The following FRMD6 variants were observed in gnomAD, a reference collection of about 807,000 sequenced individuals.
FRMD6 encodes FERM domain-containing protein 6.
A neutral mutation model predicts 73.2 loss-of-function variants in FRMD6; 37 were observed. The observed-to-expected ratio is 0.51, with a 90% CI of 0.39 to 0.66. The LOEUF is 0.66. Among genes scored for constraint, FRMD6 ranks in the 30% least tolerant of loss-of-function variants. The pLI, the probability that FRMD6 is intolerant of heterozygous loss-of-function variation, is 0.00. For synonymous variants in FRMD6, 273 were observed against 282.2 expected (o/e 0.97, Z 0.33); for missense variants, 714 against 780.5 (o/e 0.91, Z 1.02).
chr14:51,577,890 A>G (rs1244473954), intron 2 of FRMD6, among the ~76,000 whole-genome samples: 1 of 152,184 alleles, frequency 6.6e-6, no homozygotes, highest in African/African-American at 2.4e-5. Flanking sequence ...TCTTAACTAC[A>G]TAACTTGGCT....
intron 6 of FRMD6, 40 bp downstream of exon 6, chr14:51,704,975 G>A (rs760480384): frequency 8.3e-6 from 13 of 1,558,334 alleles, no homozygotes; most frequent in Middle Eastern, 1.8e-4. Context: ...GTTTTCTCTC[G>A]GGCATTTCTA....
intron 1 of FRMD6, among the ~76,000 whole-genome samples, chr14:51,555,717 G>A (rs879706689): frequency 4.6e-5 from 7 of 151,494 alleles, no homozygotes; most frequent in Admixed American, 3.3e-4. Context: ...CAGGAGAATC[G>A]CTTGAACTTG....
the FRMD6 span, among the ~76,000 whole-genome samples, chr14:51,414,779 A>C: frequency 2.6e-5 from 4 of 152,110 alleles, no homozygotes; most frequent in Non-Finnish European, 1.5e-5. Context: ...GATTCTTCCT[A>C]TCCATGAGCA....
chr14:51,700,893 A>G (rs1326523906), intron 3 of FRMD6, among the ~76,000 whole-genome samples, 163 bp from the exon 4 acceptor site: 1 of 152,000 alleles, frequency 6.6e-6, no homozygotes, highest in Non-Finnish European at 1.5e-5. Context: ...TGTCTAGTTC[A>G]CAGAACCTTT....
At chr14:51,602,842 T>C (rs1890092466) in intron 2 of FRMD6, among the ~76,000 whole-genome samples, 1 of 152,236 alleles carries the variant, frequency 6.6e-6, no homozygotes, top group Non-Finnish European at 1.5e-5. Context: ...TTTATCCCAA[T>C]ATTATTAACA....
At chr14:51,627,763 C>T (rs569544413) in intron 2 of FRMD6, among the ~76,000 whole-genome samples, 5 of 152,328 alleles carry the variant, frequency 3.3e-5, no homozygotes, top group African/African-American at 9.6e-5. Context: ...CTGCTCCATG[C>T]CTTACCCAAT....
intron 1 of FRMD6, among the ~76,000 whole-genome samples, chr14:51,564,056 T>C (rs1260831261): frequency 6.6e-6 from 1 of 152,240 alleles, no homozygotes; most frequent in East Asian, 1.9e-4. Context: ...ATTTCATTTA[T>C]TACAGCTCTG....
chr14:51,606,149 C>G lies in FRMD6; in HGVS notation c.-147+35739C>G, dbSNP rs150936555. Reference sequence around the variant, plus strand: ...GGGGTGGGTGTAGTCAAGAATGTGACATCAAGTCTTCAAGCACTTGGTAGC... The same window carrying G: ...GGGGTGGGTGTAGTCAAGAATGTGAGATCAAGTCTTCAAGCACTTGGTAGC... On this transcript the variant is annotated intron_variant, in intron 2 of 14. Transcript: ENST00000356218. Among the ~76,000 whole-genome samples, 972 of 152,260 alleles carry G rather than the reference C, an allele frequency of 6.4e-3. 9 individuals are homozygous for G. The highest frequency in any genetic ancestry group is 0.022 in the African/African-American group (918 of 41,528).
the FRMD6 span, among the ~76,000 whole-genome samples, chr14:51,401,875 G>C: frequency 1.3e-5 from 2 of 152,184 alleles, no homozygotes; most frequent in African/African-American, 4.8e-5. Context: ...GGCACATGAG[G>C]ATTGAGAATA....
chr14:51,720,361 A>G lies in FRMD6; in HGVS notation c.1331A>G (p.Asp444Gly), dbSNP rs548787551. 55 of 1,613,470 alleles carry G rather than the reference A, an allele frequency of 3.4e-5. 1 individual carries two copies. Among genetic ancestry groups the G allele is most frequent in the Middle Eastern group, 3.3e-4 (2 of 6,084 alleles). ...TCAGGGGTGGAGAGTGGCGGCAAAG[A>G]CCGGCTGGAAGAGGACTTACAGGAC... ...HTSGVESGGK[D>G]RLEEDLQDDE... Residue 444 changes from aspartate to glycine, a missense_variant, in exon 11 of 14, where the codon GAC becomes GGC. Asp to Gly is a moderately conservative substitution (Grantham distance 94). Coordinates refer to ENST00000344768, the MANE Select transcript of FRMD6 (RefSeq NM_001267046.2).
At chr14:51,708,625 G>C (rs1594766980) in intron 7 of FRMD6, among the ~76,000 whole-genome samples, 3 of 151,932 alleles carry the variant, frequency 2.0e-5, no homozygotes. Context: ...CTATACCTGC[G>C]TTGTATCCGT....
chr14:51,625,462 TTTTG>T (rs145716811), intron 2 of FRMD6, among the ~76,000 whole-genome samples: 34,966 of 123,094 alleles, frequency 0.28, 4,359 homozygotes, highest in Admixed American at 0.34. Context: ...TATCTTTTTT[TTTTG>T]TTGTTGTTGT....
intron 1 of FRMD6, among the ~76,000 whole-genome samples, chr14:51,686,305 A>G (rs1895147713): frequency 1.3e-5 from 2 of 152,252 alleles, no homozygotes; most frequent in South Asian, 4.1e-4. Flanking sequence ...CAACTAACAA[A>G]TCAGTATTGA....
In FRMD6 at chr14:51,641,922, C is replaced by A. The variant is rs191755143; in HGVS notation, c.-146-47769C>A. On this transcript the variant is annotated intron_variant, in intron 2 of 14. Coordinates refer to the FRMD6 transcript ENST00000356218. ...ACATTGCCAAATGTTCTCGTAGGGGCAAAATCACCCCCTATCCAAGGACCA... is the reference window on the plus strand; with the variant it reads ...ACATTGCCAAATGTTCTCGTAGGGGAAAAATCACCCCCTATCCAAGGACCA... Among the ~76,000 whole-genome samples, 112 of 105,022 alleles carry A rather than the reference C, an allele frequency of 1.1e-3. 1 individual carries two copies. Among genetic ancestry groups the A allele is most frequent in the Admixed American group, 8.6e-3 (90 of 10,470 alleles). The allele number at this position is 105,022 out of a possible 152,430, so 68.9% of individuals were successfully genotyped here.
chr14:51,715,268 A>G (rs772558603), intron 9 of FRMD6, 57 bp from the exon 10 acceptor site: 24 of 1,325,636 alleles, frequency 1.8e-5, no homozygotes, highest in Non-Finnish European at 2.4e-5. Context: ...AACAAAGGGG[A>G]CTTTGGCAAA....
At chr14:51,436,784 G>T in the FRMD6 span, 1 of 540,456 alleles carries the variant, frequency 1.9e-6, no homozygotes, top group South Asian at 1.8e-5. Flanking sequence ...TGATGATGAA[G>T]ATGAAGAAGG....
the FRMD6 span, among the ~76,000 whole-genome samples, chr14:51,443,980 GTGCAAT>G: frequency 2.7e-5 from 4 of 150,168 alleles, no homozygotes; most frequent in African/African-American, 9.9e-5. Flanking sequence ...CCAGGCTGGA[GTGCAAT>G]GGTGCAATCT....
intron 1 of FRMD6, among the ~76,000 whole-genome samples, chr14:51,525,050 A>C (rs1197973359): frequency 7.6e-6 from 1 of 131,458 alleles, no homozygotes; most frequent in Admixed American, 8.2e-5. Flanking sequence ...AGAGAGAGAG[A>C]GAGAGAGACA....
chr14:51,451,260 T>C, the FRMD6 span, among the ~76,000 whole-genome samples: 4 of 152,226 alleles, frequency 2.6e-5, no homozygotes, highest in African/African-American at 4.8e-5. Flanking sequence ...ATGTTGAAAT[T>C]TGATCCTCAA....
Sources: gnomAD v4.1 joint callset for allele counts (sites outside exome capture counted in the v4.1 genomes callset) on GRCh38, gnomAD v4.1.1 for gene constraint, MANE v1.5 for transcripts, NCBI Gene and HGNC (gene_info 2026-07-23, HGNC 2026-07-21) for gene names.